Variants in JAKMIP3 observed in about 807,000 individuals in gnomAD.
JAKMIP3 encodes Janus kinase and microtubule interacting protein 3, also known as janus kinase and microtubule-interacting protein 3.
Under a neutral mutation model 118.5 loss-of-function variants are expected in JAKMIP3, and 58 were observed. The ratio of observed to expected loss-of-function variants is 0.49; its 90% CI spans 0.40 to 0.61. JAKMIP3 has a LOEUF of 0.61. Among genes scored for constraint, JAKMIP3 ranks in the 20% least tolerant of loss-of-function variants. The pLI, the probability that JAKMIP3 is intolerant of heterozygous loss-of-function variation, is 0.00. For synonymous variants in JAKMIP3, 486 were observed against 451.2 expected (o/e 1.08, Z -0.98); for missense variants, 950 against 1,109.0 (o/e 0.86, Z 2.04).
intron 16 of JAKMIP3, among the ~76,000 whole-genome samples, chr10:132,151,218 A>G (rs1267140744): frequency 6.6e-6 from 1 of 151,756 alleles, no homozygotes; most frequent in Admixed American, 6.6e-5. Context: ...TCATTCATTC[A>G]TTCATCCATC....
rs1227195161 is a variant in JAKMIP3 at position 132,180,672 on chromosome 10, T to C, written c.*1104-1685T>C. ...GTGTGCGTGTGCGTGTGTGCGTGTG[T>C]GTGCGCGCGCGTGTGTGTGCGTGCG... On this transcript the variant is annotated intron_variant, in intron 23 of 23. Transcript: ENST00000684848. 9.7e-4 allele frequency among the ~76,000 whole-genome samples: 30 copies of C among 31,040 alleles called. 1 individual carries two copies. The highest frequency in any genetic ancestry group is 4.1e-3 in the South Asian group (3 of 724). 20.4% of individuals were successfully genotyped at this position (31,040 alleles called of 152,430 possible). A position where few individuals can be genotyped will look rare whatever the true frequency, so the allele number is the denominator to read the frequency against.
At chr10:132,136,406 G>A (rs530342002) in intron 6 of JAKMIP3, among the ~76,000 whole-genome samples, 12 of 152,328 alleles carry the variant, frequency 7.9e-5, no homozygotes, top group East Asian at 5.8e-4. Flanking sequence ...AAGAGGCTGC[G>A]GAGTCCCGGC....
intron 1 of JAKMIP3, among the ~76,000 whole-genome samples, chr10:132,037,698 A>C (rs2037557560): frequency 6.6e-6 from 1 of 152,280 alleles, no homozygotes. Flanking sequence ...CCCCTTAGTA[A>C]ACTGGAGTGG....
At chr10:132,150,694 T>C (rs1228051944) in intron 16 of JAKMIP3, among the ~76,000 whole-genome samples, 3 of 151,910 alleles carry the variant, frequency 2.0e-5, no homozygotes, top group Admixed American at 2.0e-4. Context: ...TTATCCGTCC[T>C]CCATAATCCA....
At chr10:132,180,652 C>T (rs200517375) in intron 23 of JAKMIP3, among the ~76,000 whole-genome samples, 2,696 of 8,626 alleles carry the variant, frequency 0.31, 566 homozygotes, top group East Asian at 0.45. Context: ...TGTGCGTGTG[C>T]GTGTGCGTGT....
rs980079922 is a variant in JAKMIP3, at chr10:132,117,003, C to T, written c.136-74C>T. 19 of 1,508,520 alleles carry T rather than the reference C, an allele frequency of 1.3e-5. No homozygotes were observed. The highest frequency in any genetic ancestry group is 2.8e-5 in the African/African-American group (2 of 72,058). 93.4% of individuals were successfully genotyped at this position (1,508,520 alleles called of 1,614,324 possible). A position where few individuals can be genotyped will look rare whatever the true frequency, so the allele number is the denominator to read the frequency against. On this transcript the variant is annotated intron_variant, in intron 2 of 23. Transcript: ENST00000684848. The surrounding 1 kb of genome is among the most constrained non-coding windows in gnomAD (Gnocchi z 8.6). ...AGTGTGTGCAACGTGGAAGCTCCCCCAAATGCACATTCAGGTGTGAGTGTG... is the reference window on the plus strand; with the variant it reads ...AGTGTGTGCAACGTGGAAGCTCCCCTAAATGCACATTCAGGTGTGAGTGTG...
chr10:132,182,319 T>C (rs1473918189), intron 23 of JAKMIP3, 38 bp from the exon 24 acceptor site: 1 of 152,254 alleles, frequency 6.6e-6, no homozygotes, highest in African/African-American at 2.4e-5. Context: ...ATTCCCCAGG[T>C]CGTCGCACTA....
At chr10:132,065,895 C>T (rs563532357), upstream of JAKMIP3, among the ~76,000 whole-genome samples, 23 of 152,292 alleles carry the variant, frequency 1.5e-4, no homozygotes, top group African/African-American at 5.5e-4. This position sits in a 1 kb window ranked among gnomAD's most constrained non-coding sequence, Gnocchi z 5.6. Flanking sequence ...GATGTAGTCA[C>T]AGCGTGGTAA....
chr10:132,107,524 T>C (rs67962676), intron 2 of JAKMIP3, among the ~76,000 whole-genome samples: 29,871 of 152,172 alleles, frequency 0.2, 2,976 homozygotes, highest in African/African-American at 0.21. Flanking sequence ...AGGAAAGGAA[T>C]GGAGAAGAAG....
chr10:132,161,074 T>TG (rs1204181052), intron 19 of JAKMIP3, among the ~76,000 whole-genome samples: 9 of 105,540 alleles, frequency 8.5e-5, no homozygotes, highest in Non-Finnish European at 1.6e-4. Flanking sequence ...TGTGTGATGC[T>TG]GGGGGGGCCT....
In JAKMIP3 at chr10:132,123,180, G is replaced by A. The variant is rs140626942; in HGVS notation, c.633+5606G>A. ...CGATGACCAGTGCCCCATCCTGTCC[G>A]TGCATCTGGATGGTGACAGGCTCTG... On this transcript the variant is annotated intron_variant, in intron 3 of 23. Coordinates refer to ENST00000684848, the MANE Select transcript of JAKMIP3 (RefSeq NM_001323087.2). Among the ~76,000 whole-genome samples, 773 of 152,300 alleles carry A rather than the reference G, an allele frequency of 5.1e-3. 7 individuals are homozygous for A. Among genetic ancestry groups the A allele is most frequent in the Non-Finnish European group, 8.8e-3 (601 of 68,022 alleles).
At chr10:132,051,803 C>T (rs1007243193) in intron 1 of JAKMIP3, among the ~76,000 whole-genome samples, 16 of 152,164 alleles carry the variant, frequency 1.1e-4, no homozygotes, top group East Asian at 1.9e-4. Flanking sequence ...GATGGCGTTT[C>T]GCCACATTGC....
chr10:132,156,273 C>A (rs939275017), intron 19 of JAKMIP3, among the ~76,000 whole-genome samples: 3 of 152,226 alleles, frequency 2.0e-5, no homozygotes, highest in African/African-American at 4.8e-5. Context: ...CCTCGTACCC[C>A]CTTATCCTCC....
rs1162946560 is a variant in JAKMIP3, at chr10:132,112,966, C to G, written c.136-4111C>G. ...AGTTCTCATCAGAGAGCATGCACAG[C>G]TAGGGTTTGAAAGACTGTGACCGTC... On this transcript the variant is annotated intron_variant, in intron 2 of 23. Transcript: ENST00000684848. This position sits in a 1 kb window ranked among gnomAD's most constrained non-coding sequence, Gnocchi z 4.3. Among the ~76,000 whole-genome samples the G allele has an allele frequency of 6.6e-6, 1 of 152,188 alleles. No individual in the cohort carries two copies. Among genetic ancestry groups the G allele is most frequent in the Non-Finnish European group, 1.5e-5 (1 of 68,034 alleles).
intron 3 of JAKMIP3, among the ~76,000 whole-genome samples, chr10:132,130,089 A>G (rs538017917): frequency 2.8e-4 from 43 of 152,094 alleles, no homozygotes; most frequent in Admixed American, 7.9e-4. Context: ...GGCTCCTAAA[A>G]TGTCACATTT....
chr10:132,064,255 A>G (rs949647850), upstream of JAKMIP3, among the ~76,000 whole-genome samples: 3 of 152,240 alleles, frequency 2.0e-5, no homozygotes, highest in African/African-American at 7.2e-5. The surrounding 1 kb of genome is among the most constrained non-coding windows in gnomAD (Gnocchi z 4.4). Flanking sequence ...GGCACGGGGT[A>G]GGTGCTATAA....
chr10:132,164,407 C>G (rs1441254443), intron 20 of JAKMIP3, among the ~76,000 whole-genome samples: 1 of 152,248 alleles, frequency 6.6e-6, no homozygotes, highest in East Asian at 1.9e-4. Context: ...CCCTGGCTGT[C>G]AGGCGTTGTG....
At chr10:132,093,779 A>G (rs1260468540) in intron 1 of JAKMIP3, among the ~76,000 whole-genome samples, 2 of 151,982 alleles carry the variant, frequency 1.3e-5, no homozygotes, top group African/African-American at 4.8e-5. Context: ...AGTGAGATGA[A>G]CCCAGTACCT....
At chr10:132,119,895 G>A (rs986539587) in intron 3 of JAKMIP3, among the ~76,000 whole-genome samples, 3 of 152,152 alleles carry the variant, frequency 2.0e-5, no homozygotes, top group Admixed American at 6.6e-5. Flanking sequence ...TTCAAATGAG[G>A]ATTTGGCCCA....
Sources: gnomAD v4.1 joint callset for allele counts (sites outside exome capture counted in the v4.1 genomes callset) on GRCh38, gnomAD v4.1.1 for gene constraint, Gnocchi (gnomAD v3.1) non-coding constraint, MANE v1.5 for transcripts, NCBI Gene and HGNC (gene_info 2026-07-23, HGNC 2026-07-21) for gene names.